The following KCNT1 variants were observed in gnomAD, a reference collection of about 807,000 sequenced individuals.
The protein encoded by KCNT1 is potassium sodium-activated channel subfamily T member 1.
Under a neutral mutation model 147.8 loss-of-function variants are expected in KCNT1, and 78 were observed. That is an observed-to-expected ratio of 0.53 (90% CI 0.44 to 0.64). The LOEUF (loss-of-function observed/expected upper bound fraction) is 0.64, where lower values mean the gene tolerates loss of function less well. KCNT1 is among the 30% of genes least tolerant of loss of function. The pLI is 0.00. For synonymous variants in KCNT1, 867 were observed against 748.8 expected, an observed-to-expected ratio of 1.16 and a Z score of -2.58; for missense variants, 1,419 against 1,750.3, an observed-to-expected ratio of 0.81 and a Z score of 3.38.
chr9:135,708,543 A>G (rs1162735286), intron 1 of KCNT1, among the ~76,000 whole-genome samples: 1 of 152,158 alleles, frequency 6.6e-6, no homozygotes, highest in East Asian at 1.9e-4. Flanking sequence ...AAAGACAGTC[A>G]CAATCTTTTT....
At chr9:135,790,262 C>T (rs1834392275) in intron 29 of KCNT1, 1 of 152,244 alleles carries the variant, frequency 6.6e-6, no homozygotes, top group Non-Finnish European at 1.5e-5. Context: ...TGCCACCTGC[C>T]ATGCGGCCAC....
Position 135,792,106 on chromosome 9 carries a change from G to A in KCNT1, c.3653G>A (p.Cys1218Tyr), listed in dbSNP as rs758465935. Residue 1218 changes from cysteine (C) to tyrosine (Y), a missense_variant, in exon 31 of 31, where the codon TGC becomes TAC. Cys to Tyr is a radical substitution (Grantham distance 194). This residue lies in a region of KCNT1 where 306 missense variants were observed against 294.2 expected (regional missense o/e 1.04). Transcript: ENST00000371757. ...ASSSQSRKSSCSHKLSSCNPE... is the reference protein window; with the variant it reads ...ASSSQSRKSSYSHKLSSCNPE... ...AGCTCCCAGAGCCGGAAGAGCAGCT[G>A]CAGCCACAAGCTGTCGTCCTGCAAC... The A allele has an allele frequency of 7.5e-6, 12 of 1,604,502 alleles. No homozygotes were observed. Among genetic ancestry groups the A allele is most frequent in the Non-Finnish European group, 1.0e-5 (12 of 1,179,408 alleles).
At chr9:135,706,481 C>T (rs1564308634) in intron 1 of KCNT1, among the ~76,000 whole-genome samples, 1 of 152,222 alleles carries the variant, frequency 6.6e-6, no homozygotes, top group Non-Finnish European at 1.5e-5. Context: ...ACCGTCTCCT[C>T]CTTGGCACCG....
chr9:135,725,012 C>A (rs1235398035), intron 2 of KCNT1, among the ~76,000 whole-genome samples: 2 of 152,218 alleles, frequency 1.3e-5, no homozygotes, highest in Non-Finnish European at 2.9e-5. Flanking sequence ...GTGGAAGCAG[C>A]GCTGGGGCCT....
At chr9:135,763,739 A>G (rs2131468036) in intron 11 of KCNT1, among the ~76,000 whole-genome samples, 1 of 152,306 alleles carries the variant, frequency 6.6e-6, no homozygotes, top group East Asian at 1.9e-4. Context: ...TTACATCTGC[A>G]GAGACCTATT....
At chr9:135,724,398 CG>C (rs1564321568) in intron 2 of KCNT1, among the ~76,000 whole-genome samples, 1 of 152,248 alleles carries the variant, frequency 6.6e-6, no homozygotes, top group African/African-American at 2.4e-5. Context: ...CACAGGCCAA[CG>C]GGGGCAGGCA....
chr9:135,728,010 T>C (rs1196645871), intron 2 of KCNT1, among the ~76,000 whole-genome samples: 4 of 152,216 alleles, frequency 2.6e-5, no homozygotes, highest in Non-Finnish European at 5.9e-5. Flanking sequence ...ATATTTGTGT[T>C]ATGCACATTT....
Position 135,762,542 on chromosome 9 carries a change from G to A in KCNT1, c.1036-2489G>A, listed in dbSNP as rs187745841. On this transcript the variant is annotated intron_variant, in intron 11 of 30. Transcript: ENST00000371757. ...GTGGGTAGATCACTTGAGATCCGGCGTTCAAGACCAGCCTGGGAAACATGG... is the reference window on the plus strand; with the variant it reads ...GTGGGTAGATCACTTGAGATCCGGCATTCAAGACCAGCCTGGGAAACATGG... Among the ~76,000 whole-genome samples the A allele has an allele frequency of 8.5e-5, 13 of 152,124 alleles. No homozygotes were observed. In the South Asian group the frequency reaches 1.0e-3, roughly 12 times the overall value.
At chr9:135,760,266 C>A (rs1052426677) in intron 11 of KCNT1, among the ~76,000 whole-genome samples, 1 of 152,024 alleles carries the variant, frequency 6.6e-6, no homozygotes, top group Non-Finnish European at 1.5e-5. Context: ...CCAGTGGCTT[C>A]CCCGTCACCA....
chr9:135,739,213 C>G lies in KCNT1; in HGVS notation c.255-10885C>G, dbSNP rs1020922182. Reference sequence around the variant, plus strand: ...CTGGACTGCGTGTTCTGCCCCCACACCATCCCTGAGGGAGGTGGGGCACCT... The same window carrying G: ...CTGGACTGCGTGTTCTGCCCCCACAGCATCCCTGAGGGAGGTGGGGCACCT... On this transcript the variant is annotated intron_variant, in intron 2 of 30. Coordinates refer to ENST00000371757, the MANE Select transcript of KCNT1 (RefSeq NM_020822.3). Among the ~76,000 whole-genome samples, 3 of 152,104 alleles carry G rather than the reference C, an allele frequency of 2.0e-5. No individual in the cohort carries two copies. In the South Asian group the frequency reaches 6.2e-4, roughly 32 times the overall value.
chr9:135,708,060 C>T (rs1287149002), intron 1 of KCNT1, among the ~76,000 whole-genome samples: 2 of 152,192 alleles, frequency 1.3e-5, no homozygotes, highest in Admixed American at 1.3e-4. Flanking sequence ...AGTTTTCTGC[C>T]ATGGTCAGCA....
chr9:135,770,229 G>A lies in KCNT1; in HGVS notation c.1620-69G>A, dbSNP rs912569485. On this transcript the variant is annotated intron_variant, in intron 16 of 30. Coordinates refer to ENST00000371757, the MANE Select transcript of KCNT1 (RefSeq NM_020822.3). ...GGGGAAGCAGAGGGGGGCACCTGCA[G>A]ACCCAGCCGGGGAGAAGGGGCAGCC... The A allele has an allele frequency of 2.8e-5, 43 of 1,531,878 alleles. No homozygotes were observed. The Admixed American group carries it at 7.8e-4, about 28-fold the overall frequency. 94.9% of individuals were successfully genotyped at this position (1,531,878 alleles called of 1,614,324 possible). A position where few individuals can be genotyped will look rare whatever the true frequency, so the allele number is the denominator to read the frequency against.
intron 24 of KCNT1, among the ~76,000 whole-genome samples, chr9:135,780,472 AGT>A (rs1181793289): frequency 6.6e-6 from 1 of 152,196 alleles, no homozygotes; most frequent in Non-Finnish European, 1.5e-5. Flanking sequence ...GGAGAGTGAA[AGT>A]GTGTTCCGGC....
At chr9:135,791,634 G>A (rs1350063778) in intron 29 of KCNT1, 163 bp from the exon 30 acceptor site, 2 of 647,948 alleles carry the variant, frequency 3.1e-6, no homozygotes, top group African/African-American at 1.8e-5. Flanking sequence ...GTCGGTCAGG[G>A]ATGGGCCCTG....
chr9:135,747,142 G>A (rs1286044484), intron 2 of KCNT1, among the ~76,000 whole-genome samples: 2 of 152,054 alleles, frequency 1.3e-5, no homozygotes, highest in African/African-American at 4.8e-5. Context: ...CAAGGAGAAC[G>A]GAGCGGAGGG....
At chr9:135,768,570 T>C in intron 13 of KCNT1, 40 bp from the exon 14 acceptor site, 4 of 1,526,046 alleles carry the variant, frequency 2.6e-6, no homozygotes, top group Non-Finnish European at 3.5e-6. Flanking sequence ...ACTGCCCACC[T>C]CCCCTGCTCC....
At position 135,770,382 on chromosome 9, in the gene KCNT1, C is replaced by T. The variant is rs768659276; in HGVS notation, c.1704C>T (p.Asp568=). The part of the protein sequence containing the change: ...GNEVYHIRMG[D]SKFFREYEGK... ...AGGTGTACCACATCCGCATGGGTGA[C>T]AGCAAGTTCTTCCGCGAGTACGAGG... Residue 568 remains aspartate (D), a synonymous_variant, in exon 17 of 31, where the codon GAC becomes GAT. Coordinates refer to ENST00000371757, the MANE Select transcript of KCNT1 (RefSeq NM_020822.3). 2.5e-6 allele frequency: 4 copies of T among 1,613,210 alleles called. No individual in the cohort carries two copies. Among genetic ancestry groups the T allele is most frequent in the Non-Finnish European group, 3.4e-6 (4 of 1,179,820 alleles).
rs560535799 is a variant in KCNT1 at position 135,751,057 on chromosome 9, G to A, written c.434+16G>A. 1.6e-5 allele frequency: 25 copies of A among 1,603,842 alleles called. No homozygotes were observed. The highest frequency in any genetic ancestry group is 2.2e-5 in the East Asian group (1 of 44,864). ...GCATCGGATGGTGGGCCACGTGCGC[G>A]GCCGGGCGCGGGGTCCCGGGTCCCA... is the stretch of plus-strand genomic sequence containing the variant. On this transcript the variant is annotated intron_variant, in intron 4 of 30. Coordinates refer to ENST00000371757, the MANE Select transcript of KCNT1 (RefSeq NM_020822.3).
At chr9:135,778,935 A>G (rs1588385888) in intron 23 of KCNT1, 113 bp downstream of exon 23, 1 of 1,273,054 alleles carries the variant, frequency 7.9e-7, no homozygotes, top group East Asian at 2.8e-5. Context: ...AGACCCCCAC[A>G]GCCACGACCA....
Sources: gnomAD v4.1 joint callset for allele counts (sites outside exome capture counted in the v4.1 genomes callset) on GRCh38, gnomAD v4.1.1 for gene constraint, gnomAD v4.1.1 regional missense constraint, MANE v1.5 for transcripts, NCBI Gene and HGNC (gene_info 2026-07-23, HGNC 2026-07-21) for gene names.